Variants in POU2F1 observed in about 807,000 individuals in gnomAD.
POU2F1 encodes POU class 2 homeobox 1.
A neutral mutation model predicts 84.9 loss-of-function variants in POU2F1; 16 were observed. The ratio of observed to expected loss-of-function variants is 0.19; its 90% confidence interval spans 0.13 to 0.29. POU2F1 has a LOEUF of 0.29. POU2F1 is among the 10% of genes least tolerant of loss of function. The probability of loss-of-function intolerance (pLI) is 1.00; values close to 1 mark genes in which losing one functional copy is unlikely to be tolerated. For synonymous variants in POU2F1, 368 were observed against 368.3 expected (o/e 1.00, Z 0.01); for missense variants, 738 against 942.6 (o/e 0.78, Z 2.84).
At chr1:167,305,018 G>GA (rs1324240573) in intron 1 of POU2F1, among the ~76,000 whole-genome samples, 2 of 152,078 alleles carry the variant, frequency 1.3e-5, no homozygotes, top group Non-Finnish European at 2.9e-5. Flanking sequence ...AAAGTGTAGA[G>GA]AAAATCTCTT....
chr1:167,234,006 C>G (rs748068130), intron 1 of POU2F1, among the ~76,000 whole-genome samples: 1 of 152,074 alleles, frequency 6.6e-6, no homozygotes, highest in Non-Finnish European at 1.5e-5. Context: ...GTTAGGAAAC[C>G]GAGGCTTAAA....
At chr1:167,373,721 T>C (rs1660151612) in intron 5 of POU2F1, among the ~76,000 whole-genome samples, 2 of 152,198 alleles carry the variant, frequency 1.3e-5, no homozygotes, top group Admixed American at 1.3e-4. Flanking sequence ...ATCAGTTCTT[T>C]CCTTGGTTAT....
chr1:167,377,695 G>T lies in POU2F1; in HGVS notation c.718+1540G>T, dbSNP rs896611946. 2.0e-5 allele frequency among the ~76,000 whole-genome samples: 3 copies of T among 152,186 alleles called. No individual in the cohort carries two copies. The South Asian group carries it at 6.2e-4, about 32-fold the overall frequency. On this transcript the variant is annotated intron_variant, in intron 7 of 15. Coordinates refer to ENST00000367866, the MANE Select transcript of POU2F1 (RefSeq NM_002697.4). The stretch of plus-strand genomic sequence containing the variant: ...TTATTTTTAAACTATTAGGTTCAGG[G>T]TTACACTCAGGTTTGTTATGTAGAT...
chr1:167,274,898 G>C (rs1652615768), intron 1 of POU2F1, among the ~76,000 whole-genome samples: 2 of 151,698 alleles, frequency 1.3e-5, no homozygotes, highest in Non-Finnish European at 2.9e-5. Flanking sequence ...GCTCCTTCTT[G>C]TTTTCCACCT....
chr1:167,410,621 T>C (rs1649893158), intron 13 of POU2F1, among the ~76,000 whole-genome samples: 1 of 152,102 alleles, frequency 6.6e-6, no homozygotes, highest in Admixed American at 6.5e-5. Flanking sequence ...GCTCAAGCAG[T>C]TCTCCTGCCT....
intron 1 of POU2F1, among the ~76,000 whole-genome samples, chr1:167,253,771 C>T (rs1462734897): frequency 6.6e-6 from 1 of 152,098 alleles, no homozygotes; most frequent in Non-Finnish European, 1.5e-5. Context: ...TTAGGTCCTC[C>T]TTCCCCCATA....
At chr1:167,355,511 A>G (rs1364475630) in intron 2 of POU2F1, among the ~76,000 whole-genome samples, 1 of 152,220 alleles carries the variant, frequency 6.6e-6, no homozygotes, top group Non-Finnish European at 1.5e-5. Context: ...TCAACTTGTT[A>G]AGTTCTACCC....
At chr1:167,308,597 C>G (rs964931602) in intron 1 of POU2F1, among the ~76,000 whole-genome samples, 3 of 152,160 alleles carry the variant, frequency 2.0e-5, no homozygotes, top group African/African-American at 7.2e-5. Flanking sequence ...ATAATCATAG[C>G]TCACTGAAGC....
intron 7 of POU2F1, chr1:167,381,009 G>A (rs1038038795): frequency 2.6e-5 from 4 of 151,926 alleles, no homozygotes; most frequent in African/African-American, 9.7e-5. Context: ...AATGTTTTTG[G>A]TTAGAAAACT....
At chr1:167,399,508 T>TGAAA (rs1320413951) in intron 12 of POU2F1, 143 bp downstream of exon 12, 4 of 762,752 alleles carry the variant, frequency 5.2e-6, no homozygotes, top group Non-Finnish European at 8.2e-6. Flanking sequence ...ATTTTAGACA[T>TGAAA]TACCAAGGTA....
chr1:167,318,135 A>G (rs999389042), intron 1 of POU2F1, among the ~76,000 whole-genome samples: 16 of 152,300 alleles, frequency 1.1e-4, no homozygotes, highest in Middle Eastern at 3.4e-3. Flanking sequence ...CAATATCCAA[A>G]GACAAGTTTG....
intron 1 of POU2F1, among the ~76,000 whole-genome samples, chr1:167,277,912 T>A (rs887315230): frequency 6.6e-6 from 1 of 152,232 alleles, no homozygotes; most frequent in Non-Finnish European, 1.5e-5. Flanking sequence ...CCATATTCTC[T>A]GCTGTCTTAG....
At chr1:167,332,647 G>A in intron 2 of POU2F1, 112 bp downstream of exon 2, 1 of 758,722 alleles carries the variant, frequency 1.3e-6, no homozygotes. Flanking sequence ...TGAGTATTGA[G>A]TTGTCAAATA....
intron 1 of POU2F1, among the ~76,000 whole-genome samples, chr1:167,248,815 G>A (rs966772164): frequency 6.6e-6 from 1 of 152,090 alleles, no homozygotes; most frequent in Admixed American, 6.6e-5. Flanking sequence ...CAAGTGCTTT[G>A]TATTTTCCAT....
intron 8 of POU2F1, 110 bp from the exon 9 acceptor site, chr1:167,389,478 G>A (rs1648227412): frequency 2.6e-6 from 3 of 1,145,062 alleles, no homozygotes; most frequent in Non-Finnish European, 3.8e-6. Context: ...GTGTTACATG[G>A]TCTTCATCGT....
chr1:167,322,336 A>G (rs1656371527), intron 1 of POU2F1, among the ~76,000 whole-genome samples: 1 of 152,190 alleles, frequency 6.6e-6, no homozygotes, highest in African/African-American at 2.4e-5. Flanking sequence ...AACAATTTGA[A>G]TTTCCCCATT....
chr1:167,297,299 C>T (rs966579656), intron 1 of POU2F1, among the ~76,000 whole-genome samples: 5 of 152,170 alleles, frequency 3.3e-5, no homozygotes, highest in Non-Finnish European at 7.4e-5. Flanking sequence ...CAGCTTCAGA[C>T]AATTGGAACT....
At chr1:167,403,799 C>T (rs954782516) in intron 13 of POU2F1, among the ~76,000 whole-genome samples, 4 of 152,126 alleles carry the variant, frequency 2.6e-5, no homozygotes, top group Admixed American at 1.3e-4. Flanking sequence ...CTCTTTGATT[C>T]CTTTTTGTCT....
chr1:167,301,529 A>G (rs976088884), intron 1 of POU2F1, among the ~76,000 whole-genome samples: 1 of 152,210 alleles, frequency 6.6e-6, no homozygotes, highest in African/African-American at 2.4e-5. Context: ...GCATGTTGCT[A>G]TGGAAACTCA....
Sources: allele counts gnomAD v4.1 joint callset (sites outside exome capture counted in the v4.1 genomes callset), GRCh38; gene constraint gnomAD v4.1.1; transcripts MANE v1.5; gene names NCBI Gene and HGNC (gene_info 2026-07-23, HGNC 2026-07-21).